Variants in CSMD2 observed in about 807,000 individuals in gnomAD.
The protein encoded by CSMD2 is CUB and Sushi multiple domains 2.
CSMD2 carries 130 observed loss-of-function variants against 398.5 expected under a neutral mutation model. That is an observed-to-expected ratio of 0.33 (90% CI 0.28 to 0.38). The LOEUF is 0.38. CSMD2 is among the 10% of genes least tolerant of loss of function. The pLI, the probability that CSMD2 is intolerant of heterozygous loss-of-function variation, is 1.00. For missense variants in CSMD2, 3,829 were observed against 4,764.9 expected (o/e 0.80, Z 5.78); for synonymous variants, 1,828 against 1,908.5 (o/e 0.96, Z 1.10).
intron 44 of CSMD2, chr1:33,600,106 C>A (rs771516501): frequency 4.3e-5 from 30 of 701,052 alleles, no homozygotes; most frequent in Non-Finnish European, 7.9e-5. Flanking sequence ...AACTCCAAGC[C>A]GGTAATTCTA....
intron 31 of CSMD2, among the ~76,000 whole-genome samples, chr1:33,634,244 T>C (rs529351930): frequency 6.6e-6 from 1 of 152,300 alleles, no homozygotes; most frequent in African/African-American, 2.4e-5. Flanking sequence ...ACTGGGAATT[T>C]ATAGAGGACA....
At chr1:33,987,644 C>T (rs1430853631) in intron 3 of CSMD2, among the ~76,000 whole-genome samples, 1 of 152,160 alleles carries the variant, frequency 6.6e-6, no homozygotes, top group Non-Finnish European at 1.5e-5. Flanking sequence ...GACCTCCCAC[C>T]CAGATCTCCT....
chr1:33,985,524 T>C (rs970830573), intron 3 of CSMD2, among the ~76,000 whole-genome samples: 4 of 152,112 alleles, frequency 2.6e-5, no homozygotes, highest in African/African-American at 9.7e-5. Flanking sequence ...TGGAGGGTGC[T>C]TGTAGGAAAG....
intron 1 of CSMD2, among the ~76,000 whole-genome samples, chr1:34,147,623 C>CG (rs1438917600): frequency 7.5e-6 from 1 of 133,742 alleles, no homozygotes; most frequent in Non-Finnish European, 1.6e-5. Flanking sequence ...AGGAGAGAGA[C>CG]GGGGTGACAG....
intron 2 of CSMD2, among the ~76,000 whole-genome samples, chr1:34,061,055 C>A (rs1304869491): frequency 2.0e-5 from 3 of 152,154 alleles, no homozygotes; most frequent in East Asian, 1.9e-4. Context: ...CACTTCCCAA[C>A]CCCTGCAGCA....
chr1:34,161,278 C>T (rs1332590387), intron 1 of CSMD2, among the ~76,000 whole-genome samples: 1 of 152,154 alleles, frequency 6.6e-6, no homozygotes, highest in Non-Finnish European at 1.5e-5. Context: ...GTTACCTAGA[C>T]CCAGAATTCC....
chr1:34,074,074 G>GA, intron 2 of CSMD2, among the ~76,000 whole-genome samples: 1 of 152,290 alleles, frequency 6.6e-6, no homozygotes, highest in South Asian at 2.1e-4. Context: ...AGAGGATGGT[G>GA]ATAACCATTC....
intron 5 of CSMD2, among the ~76,000 whole-genome samples, chr1:33,877,483 C>T (rs1306176716): frequency 6.6e-6 from 1 of 152,164 alleles, no homozygotes; most frequent in African/African-American, 2.4e-5. Context: ...TGAGGCTCAT[C>T]TGTTCTTAAT....
chr1:34,088,107 G>A (rs1658122180), intron 2 of CSMD2, among the ~76,000 whole-genome samples: 1 of 152,210 alleles, frequency 6.6e-6, no homozygotes, highest in African/African-American at 2.4e-5. Flanking sequence ...GCCAAGGGCT[G>A]AGATGCATCT....
At chr1:34,143,342 CACTA>C (rs1454573687) in intron 1 of CSMD2, among the ~76,000 whole-genome samples, 2 of 152,178 alleles carry the variant, frequency 1.3e-5, no homozygotes, top group African/African-American at 4.8e-5. Flanking sequence ...GTCTTTTCTA[CACTA>C]ACTGCCCCCT....
At chr1:33,853,572 G>A (rs1179926238) in intron 5 of CSMD2, among the ~76,000 whole-genome samples, 8 of 151,548 alleles carry the variant, frequency 5.3e-5, no homozygotes, top group African/African-American at 2.4e-5. Context: ...GGCACTGAGA[G>A]ACTTGGCAAC....
chr1:33,950,241 G>A (rs1644960850), intron 3 of CSMD2, among the ~76,000 whole-genome samples: 1 of 152,080 alleles, frequency 6.6e-6, no homozygotes, highest in South Asian at 2.1e-4. Flanking sequence ...CCTCCTAAAA[G>A]CGCTTCAGTT....
At chr1:33,871,313 A>G (rs979811251) in intron 5 of CSMD2, among the ~76,000 whole-genome samples, 33 of 152,178 alleles carry the variant, frequency 2.2e-4, no homozygotes, top group African/African-American at 7.5e-4. Flanking sequence ...GAAATCTTCA[A>G]TTGCCTCAAA....
rs770364421 is a variant in CSMD2 at position 33,559,334 on chromosome 1, G to A, written c.8520C>T (p.Ser2840=). ...EGAARSQCLA[S]GQWSDMLPTC... ...TGGGCAGCATGTCACTCCATTGCCC[G>A]CTGGCCAGGCATTGGGACCTAGCAG... is the stretch of plus-strand genomic sequence containing the variant. Residue 2840 remains serine (S), a synonymous_variant, in exon 54 of 71, where the codon AGC becomes AGT. Transcript: ENST00000373381. The surrounding 1 kb of genome is among the most constrained non-coding windows in gnomAD (Gnocchi z 4.0). The A allele has an allele frequency of 2.7e-5, 41 of 1,535,614 alleles. No homozygotes were observed. The South Asian group carries it at 2.9e-4, about 11-fold the overall frequency.
Position 33,724,545 on chromosome 1 carries a change from T to C in CSMD2, c.2855A>G (p.Gln952Arg), listed in dbSNP as rs1372327248. The change falls in exon 18 of 71, where the codon CAG becomes CGG. Residue 952 changes from glutamine (Q) to arginine (R), a missense_variant. This residue lies in a region of CSMD2 where 2,001 missense variants were observed against 2,567.1 expected (regional missense o/e 0.78). Transcript: ENST00000373381. ...GEPLECEPNF[Q>R]WSRALPSCEA... ...ACAACTGGGCAGGGCCCGGCTCCACTGGAAGTTGGGCTCACACTCCAGAGG... is the reference window on the plus strand; with the variant it reads ...ACAACTGGGCAGGGCCCGGCTCCACCGGAAGTTGGGCTCACACTCCAGAGG... 2 of 1,614,112 alleles carry C rather than the reference T, an allele frequency of 1.2e-6. No individual in the cohort carries two copies. The highest frequency in any genetic ancestry group is 1.1e-5 in the South Asian group (1 of 91,062).
rs139291220 is a variant in CSMD2, at chr1:34,070,340, G to A, written c.404+18637C>T. On this transcript the variant is annotated intron_variant, in intron 2 of 70. Coordinates refer to ENST00000373381, the MANE Select transcript of CSMD2 (RefSeq NM_001281956.2). ...TCTATCTCTGTCCTTTAGGGTAGAT[G>A]GGTCCTTTTTCTGGCTGACTGTTGC... is the stretch of plus-strand genomic sequence containing the variant. 1.5e-4 allele frequency among the ~76,000 whole-genome samples: 23 copies of A among 152,296 alleles called. No individual in the cohort carries two copies. The East Asian group carries it at 4.1e-3, about 27-fold the overall frequency.
At position 34,163,667 on chromosome 1, in the gene CSMD2, C is replaced by G. The variant is rs1054994388; in HGVS notation, c.187+1244G>C. ...AAAACAAAACAAAACAAAACAAAAA[C>G]AAAAACAAAAAAGAAAACACGGCTC... On this transcript the variant is annotated intron_variant, in intron 1 of 70. Transcript: ENST00000373381. This position sits in a 1 kb window ranked among gnomAD's most constrained non-coding sequence, Gnocchi z 5.4. 1.3e-5 allele frequency among the ~76,000 whole-genome samples: 2 copies of G among 152,074 alleles called. No homozygotes were observed. Among genetic ancestry groups the G allele is most frequent in the African/African-American group, 4.8e-5 (2 of 41,420 alleles).
intron 1 of CSMD2, among the ~76,000 whole-genome samples, chr1:34,142,038 A>G (rs956554998): frequency 1.3e-5 from 2 of 152,148 alleles, no homozygotes; most frequent in Non-Finnish European, 2.9e-5. Context: ...TGCCTCCCTC[A>G]TAGAAATGTG....
At chr1:33,834,106 C>T (rs1190167207) in intron 6 of CSMD2, among the ~76,000 whole-genome samples, 1 of 104,580 alleles carries the variant, frequency 9.6e-6, no homozygotes, top group Non-Finnish European at 1.8e-5. Context: ...ATGCCATCCC[C>T]ATGAAGCTAC....
Sources: gnomAD v4.1 joint callset for allele counts (sites outside exome capture counted in the v4.1 genomes callset) on GRCh38, gnomAD v4.1.1 for gene constraint, gnomAD v4.1.1 regional missense constraint, Gnocchi (gnomAD v3.1) non-coding constraint, MANE v1.5 for transcripts, NCBI Gene and HGNC (gene_info 2026-07-23, HGNC 2026-07-21) for gene names.